The following DPF3 variants were observed in gnomAD, a reference collection of about 807,000 sequenced individuals.
DPF3 encodes zinc finger protein DPF3.
A neutral mutation model predicts 56.8 loss-of-function variants in DPF3; 18 were observed. That is an observed-to-expected ratio of 0.32 (90% CI 0.22 to 0.47). The LOEUF (loss-of-function observed/expected upper bound fraction) is 0.47, where lower values mean the gene tolerates loss of function less well. Ranked by LOEUF, DPF3 falls within the 20% of genes least tolerant of loss-of-function variation. The pLI, the probability that DPF3 is intolerant of heterozygous loss-of-function variation, is 1.00. For missense variants in DPF3, 403 were observed against 488.8 expected (o/e 0.82, Z 1.65); for synonymous variants, 188 against 180.2 (o/e 1.04, Z -0.35).
At chr14:72,863,840 G>A (rs1394380388) in intron 1 of DPF3, among the ~76,000 whole-genome samples, 1 of 152,192 alleles carries the variant, frequency 6.6e-6, no homozygotes, top group Non-Finnish European at 1.5e-5. Flanking sequence ...AAGCACTAGG[G>A]GCAGCTGTTC....
intron 7 of DPF3, among the ~76,000 whole-genome samples, chr14:72,681,194 G>C (rs1039101210): frequency 2.5e-4 from 38 of 152,302 alleles, no homozygotes; most frequent in African/African-American, 8.9e-4. Flanking sequence ...AAATCTGCCA[G>C]GCAAAGGGAA....
chr14:72,773,872 A>C (rs1401609776), intron 1 of DPF3: 1 of 455,534 alleles, frequency 2.2e-6, no homozygotes, highest in African/African-American at 2.0e-5. Context: ...ATTCCATTGT[A>C]TGCATATACC....
chr14:72,773,799 T>C (rs1206521366), intron 1 of DPF3: 1 of 454,832 alleles, frequency 2.2e-6, no homozygotes, highest in East Asian at 6.9e-5. Flanking sequence ...TGTCAGAATT[T>C]CCTTCCTTTT....
intron 6 of DPF3, among the ~76,000 whole-genome samples, chr14:72,695,816 A>G (rs1042214374): frequency 6.6e-6 from 1 of 152,204 alleles, no homozygotes; most frequent in Admixed American, 6.5e-5. Context: ...ATATGCATGT[A>G]ACAAACCTGA....
chr14:72,740,908 G>C (rs1890098552), intron 3 of DPF3, among the ~76,000 whole-genome samples: 2 of 152,246 alleles, frequency 1.3e-5, no homozygotes, highest in South Asian at 4.1e-4. Flanking sequence ...CTTTTAAAAG[G>C]CTATAAGACA....
chr14:72,609,389 G>A lies in DPF3; in HGVS notation c.*9908C>T, dbSNP rs535091017. ...AGTCCCGGGTCAGGAGTCCACATCA[G>A]GTGTGGGCTGCTTCCAATCTGTAGG... On this transcript the variant is annotated 3_prime_UTR_variant, in exon 11 of 11. Coordinates refer to ENST00000556509, the MANE Select transcript of DPF3 (RefSeq NM_001280542.3). 6.6e-6 allele frequency among the ~76,000 whole-genome samples: 1 copy of A among 152,302 alleles called. No individual in the cohort carries two copies. Among genetic ancestry groups the A allele is most frequent in the South Asian group, 2.1e-4 (1 of 4,830 alleles).
intron 1 of DPF3, among the ~76,000 whole-genome samples, chr14:72,826,653 T>C (rs1299616457): frequency 1.3e-5 from 2 of 152,198 alleles, no homozygotes; most frequent in Non-Finnish European, 2.9e-5. Flanking sequence ...ACACCTACTA[T>C]GTGCAAGGCA....
intron 8 of DPF3, among the ~76,000 whole-genome samples, chr14:72,655,901 C>G (rs1193674416): frequency 2.6e-5 from 4 of 152,176 alleles, no homozygotes; most frequent in African/African-American, 4.8e-5. Context: ...CTAACCCATG[C>G]CCCCAACTCT....
intron 1 of DPF3, among the ~76,000 whole-genome samples, chr14:72,809,626 A>C (rs954474706): frequency 4.6e-5 from 7 of 152,148 alleles, no homozygotes; most frequent in African/African-American, 1.2e-4. Flanking sequence ...CGCCTGGTGG[A>C]AGAGAAAGGG....
intron 7 of DPF3, among the ~76,000 whole-genome samples, chr14:72,690,119 A>G (rs907247268): frequency 6.6e-6 from 1 of 152,170 alleles, no homozygotes; most frequent in Non-Finnish European, 1.5e-5. Context: ...CCACTCACTG[A>G]CAAGCCCACA....
chr14:72,808,009 G>A (rs1359305034), intron 1 of DPF3, among the ~76,000 whole-genome samples: 1 of 152,056 alleles, frequency 6.6e-6, no homozygotes, highest in Non-Finnish European at 1.5e-5. Flanking sequence ...AGAAACAAAT[G>A]CCCTCCCTCC....
Position 72,864,478 on chromosome 14 carries a change from C to T in DPF3, c.32+29579G>A, listed in dbSNP as rs146166356. 2.1e-3 allele frequency among the ~76,000 whole-genome samples: 321 copies of T among 152,338 alleles called. 7 individuals are homozygous for T. In the East Asian group the frequency reaches 0.055, roughly 26 times the overall value. On this transcript the variant is annotated intron_variant, in intron 1 of 10. Coordinates refer to ENST00000556509, the MANE Select transcript of DPF3 (RefSeq NM_001280542.3). ...TGCCATATCCCCAGCACCTACAGTGCTTGGCACTTAGTGAGAGCTCAATAA... is the reference window on the plus strand; with the variant it reads ...TGCCATATCCCCAGCACCTACAGTGTTTGGCACTTAGTGAGAGCTCAATAA...
At chr14:72,705,115 TG>T (rs1457517340) in intron 6 of DPF3, among the ~76,000 whole-genome samples, 1 of 152,132 alleles carries the variant, frequency 6.6e-6, no homozygotes, top group Non-Finnish European at 1.5e-5. Flanking sequence ...AGGATGTGAG[TG>T]GCGGGCAGGC....
intron 8 of DPF3, among the ~76,000 whole-genome samples, chr14:72,665,581 G>C (rs532303896): frequency 6.6e-6 from 1 of 152,342 alleles, no homozygotes; most frequent in South Asian, 2.1e-4. Context: ...ATCCAAGCCT[G>C]AACTGAATGG....
chr14:72,716,634 G>GA (rs1888940941), intron 5 of DPF3, among the ~76,000 whole-genome samples: 1 of 152,142 alleles, frequency 6.6e-6, no homozygotes. Context: ...ACATGGTGGA[G>GA]ACCATGTTTA....
At chr14:72,884,971 T>TATATATATATATATATATATA (rs10523148) in intron 1 of DPF3, among the ~76,000 whole-genome samples, 315 of 111,534 alleles carry the variant, frequency 2.8e-3, no homozygotes, top group Middle Eastern at 4.3e-3. Flanking sequence ...TATATATATA[T>TATATATATATATATATATATA]TAGCCGGGCG....
At chr14:72,880,714 A>G (rs1886293554) in intron 1 of DPF3, among the ~76,000 whole-genome samples, 1 of 151,820 alleles carries the variant, frequency 6.6e-6, no homozygotes, top group Admixed American at 6.6e-5. Context: ...GTGCCACCAC[A>G]CCCAACTAGT....
Position 72,611,781 on chromosome 14 carries a change from T to G in DPF3, c.*7516A>C, listed in dbSNP as rs1431432162. Among the ~76,000 whole-genome samples, 1 of 152,084 alleles carries G rather than the reference T, an allele frequency of 6.6e-6. No individual in the cohort carries two copies. The highest frequency in any genetic ancestry group is 2.4e-5 in the African/African-American group (1 of 41,400). On this transcript the variant is annotated 3_prime_UTR_variant, in exon 11 of 11. Transcript: ENST00000556509. ...AAGCAACTAGGCTGAGGTCATCTGT[T>G]TTCTTCCCCCGACCCCTCAGCCTCC...
At position 72,716,553 on chromosome 14, in the gene DPF3, C is replaced by T. The variant is rs141578011; in HGVS notation, c.526-2052G>A. Among the ~76,000 whole-genome samples, 520 of 152,214 alleles carry T rather than the reference C, an allele frequency of 3.4e-3. 5 individuals carry two copies. The highest frequency in any genetic ancestry group is 0.012 in the African/African-American group (490 of 41,532). On this transcript the variant is annotated intron_variant, in intron 5 of 10. Transcript: ENST00000556509. ...CCTCCCATTTCATCATGGCACTGAG[C>T]GCTGTCTGGCATTAGATTATACCTG...
Sources: gnomAD v4.1 joint callset for allele counts (sites outside exome capture counted in the v4.1 genomes callset) on GRCh38, gnomAD v4.1.1 for gene constraint, MANE v1.5 for transcripts, NCBI Gene and HGNC (gene_info 2026-07-23, HGNC 2026-07-21) for gene names.